BSN: variants seen among roughly 807,000 people sequenced by gnomAD.
The protein encoded by BSN is bassoon presynaptic cytomatrix protein.
Under a neutral mutation model 264.8 loss-of-function variants are expected in BSN, and 57 were observed. That is an observed-to-expected ratio of 0.22 (90% CI 0.17 to 0.27). The LOEUF is 0.27. BSN is among the 10% of genes least tolerant of loss of function. The pLI is 1.00. For missense variants in BSN, 4,615 were observed against 5,232.5 expected (o/e 0.88, Z 3.64); for synonymous variants, 2,059 against 2,137.3 (o/e 0.96, Z 1.01).
Position 49,642,714 on chromosome 3 carries a change from G to A in BSN, c.1080G>A (p.Gln360=), listed in dbSNP as rs2052473514. Residue 360 remains glutamine (Q), a synonymous_variant, in exon 3 of 12, where the codon CAG becomes CAA. Transcript: ENST00000296452. The surrounding 1 kb of genome is among the most constrained non-coding windows in gnomAD (Gnocchi z 7.0). ...GCCTTGGCGCGTCACTGCTAACCCAGGCGAGCACCCTCATGTCTGTGCAGC... is the reference window on the plus strand; with the variant it reads ...GCCTTGGCGCGTCACTGCTAACCCAAGCGAGCACCCTCATGTCTGTGCAGC... The part of the protein sequence containing the change: ...LFGLGASLLT[Q]ASTLMSVQPE... 6.2e-7 allele frequency: 1 copy of A among 1,613,534 alleles called. No homozygotes were observed. Among genetic ancestry groups the A allele is most frequent in the South Asian group, 1.1e-5 (1 of 91,078 alleles).
At chr3:49,632,922 A>C (rs1437611163) in intron 2 of BSN, among the ~76,000 whole-genome samples, 2 of 152,192 alleles carry the variant, frequency 1.3e-5, no homozygotes, top group African/African-American at 4.8e-5. Flanking sequence ...GCAAATAGCT[A>C]GAACCTGTCT....
At chr3:49,591,235 T>G (rs1490658896) in intron 1 of BSN, among the ~76,000 whole-genome samples, 2 of 152,230 alleles carry the variant, frequency 1.3e-5, no homozygotes, top group Non-Finnish European at 1.5e-5. Flanking sequence ...CTTACCTCCT[T>G]TGTGCTCTTT....
Position 49,653,557 on chromosome 3 carries a change from GC to G in BSN, c.4003del (p.Arg1335GlufsTer36). 6.2e-7 allele frequency: 1 copy of G among 1,613,862 alleles called. No homozygotes were observed. Among genetic ancestry groups the G allele is most frequent in the Non-Finnish European group, 8.5e-7 (1 of 1,179,982 alleles). Reference protein sequence around the residue: ...STPTSSDSSGGRVIPDVRVTQ... With the variant: ...STPTSSDSSGXRVIPDVRVTQ... ...CCCACCTCCTCAGACAGCAGCGGGG[GC>G]CGAGTTATTCCCGATGTCCGTGTCA... On this transcript the variant is annotated frameshift_variant, in exon 5 of 12. Transcript: ENST00000296452. LOFTEE classifies it high-confidence loss of function. The surrounding 1 kb of genome is among the most constrained non-coding windows in gnomAD (Gnocchi z 6.3).
chr3:49,566,629 CA>C (rs1235662674), intron 1 of BSN, among the ~76,000 whole-genome samples: 1 of 151,610 alleles, frequency 6.6e-6, no homozygotes, highest in Non-Finnish European at 1.5e-5. Flanking sequence ...TACAAAAATA[CA>C]AAAAAATTAG....
intron 1 of BSN, among the ~76,000 whole-genome samples, chr3:49,606,989 G>A (rs768306664): frequency 2.0e-5 from 3 of 152,036 alleles, no homozygotes; most frequent in Admixed American, 6.6e-5. Context: ...GGTGGTGGGC[G>A]CCTCAGTTTG....
At chr3:49,603,289 G>T (rs1470571080) in intron 1 of BSN, among the ~76,000 whole-genome samples, 1 of 152,208 alleles carries the variant, frequency 6.6e-6, no homozygotes, top group Non-Finnish European at 1.5e-5. Context: ...TCTTGTTGGT[G>T]GTTGCTACCT....
chr3:49,651,264 T>C lies in BSN; in HGVS notation c.1986+185T>C. On this transcript the variant is annotated intron_variant, in intron 4 of 11. Transcript: ENST00000296452. The surrounding 1 kb of genome is among the most constrained non-coding windows in gnomAD (Gnocchi z 5.4). ...TGGCACGCTTGGAGACTGTGGGTTT[T>C]ACACTGGTGCTGTGTCTGGCACCTT... 1.5e-6 allele frequency: 1 copy of C among 663,388 alleles called. No individual in the cohort carries two copies. The highest frequency in any genetic ancestry group is 3.2e-5 in the Admixed American group (1 of 31,424). 41.1% of individuals were successfully genotyped at this position (663,388 alleles called of 1,614,324 possible).
rs781040191 is a variant in BSN, at chr3:49,652,135, A to T, written c.2579A>T (p.Asp860Val). Residue 860 changes from aspartate to valine, a missense_variant, in exon 5 of 12, where the codon GAT becomes GTT. Coordinates refer to ENST00000296452, the MANE Select transcript of BSN (RefSeq NM_003458.4). ...MSAEEDNLEE[D>V]DTATSGRGLA... ...GCCGAGGAAGACAACCTGGAGGAGG[A>T]TGACACTGCCACCTCCGGGCGTGGC... 7 of 1,613,968 alleles carry T rather than the reference A, an allele frequency of 4.3e-6. No homozygotes were observed. The South Asian group carries it at 7.7e-5, about 18-fold the overall frequency.
At chr3:49,641,188 G>A (rs1010252008) in intron 2 of BSN, among the ~76,000 whole-genome samples, 3 of 152,162 alleles carry the variant, frequency 2.0e-5, no homozygotes, top group Non-Finnish European at 4.4e-5. Context: ...GAAGTCCAAG[G>A]GTAGACTTGG....
chr3:49,606,435 A>C (rs1463392294), intron 1 of BSN, among the ~76,000 whole-genome samples: 1 of 146,554 alleles, frequency 6.8e-6, no homozygotes, highest in African/African-American at 2.5e-5. Flanking sequence ...TCTTCTAAGC[A>C]CCTATCATAC....
intron 1 of BSN, among the ~76,000 whole-genome samples, chr3:49,599,868 TG>T (rs2052058223): frequency 6.6e-6 from 1 of 152,068 alleles, no homozygotes; most frequent in Non-Finnish European, 1.5e-5. Flanking sequence ...TTTTCCTGGG[TG>T]GGTAACATGG....
intron 1 of BSN, among the ~76,000 whole-genome samples, chr3:49,574,099 G>T (rs1050786881): frequency 6.6e-6 from 1 of 151,006 alleles, no homozygotes; most frequent in Non-Finnish European, 1.5e-5. Flanking sequence ...AGAGGTGTGC[G>T]TCGCCACATC....
Position 49,661,940 on chromosome 3 carries a change from G to A in BSN, c.10095G>A (p.Met3365Ile). 6.2e-7 allele frequency: 1 copy of A among 1,614,004 alleles called. No homozygotes were observed. The highest frequency in any genetic ancestry group is 8.5e-7 in the Non-Finnish European group (1 of 1,180,050). The stretch of plus-strand genomic sequence containing the variant: ...GCAGCAAGCACCGGAAGCAGGGCAT[G>A]GAGCAAAAGATATCCAAGTTCTCGC... ...SKRSKHRKQG[M>I]EQKISKFSPI... The change falls in exon 6 of 12, where the codon ATG becomes ATA. Residue 3365 changes from methionine to isoleucine, a missense_variant. Met to Ile is a conservative substitution (Grantham distance 10). Transcript: ENST00000296452.
intron 2 of BSN, chr3:49,641,906 C>G (rs2052467263): frequency 4.5e-6 from 1 of 219,812 alleles, no homozygotes; most frequent in Admixed American, 5.9e-5. Context: ...AAGTGGGAAG[C>G]AGGGGAAGGC....
chr3:49,577,110 TG>T (rs149770361), intron 1 of BSN, among the ~76,000 whole-genome samples: 3,024 of 152,358 alleles, frequency 0.02, 52 homozygotes, highest in Middle Eastern at 0.058. Flanking sequence ...ATTGAGCACC[TG>T]TTACATGCCA....
chr3:49,598,504 G>C (rs1307291853), intron 1 of BSN, among the ~76,000 whole-genome samples: 1 of 152,168 alleles, frequency 6.6e-6, no homozygotes, highest in Non-Finnish European at 1.5e-5. Flanking sequence ...TGACCAGTCA[G>C]ATTTTTGCCC....
chr3:49,563,394 C>T (rs1343013685), intron 1 of BSN, among the ~76,000 whole-genome samples: 1 of 152,212 alleles, frequency 6.6e-6, no homozygotes, highest in Non-Finnish European at 1.5e-5. Context: ...GTTGTTCCAC[C>T]TACTTCCTAC....
chr3:49,663,633 C>T lies in BSN; in HGVS notation c.11475C>T (p.Pro3825=). The T allele has an allele frequency of 6.2e-7, 1 of 1,608,512 alleles. No individual in the cohort carries two copies. Among genetic ancestry groups the T allele is most frequent in the Admixed American group, 1.7e-5 (1 of 59,610 alleles). Residue 3825 remains proline, a synonymous_variant, in exon 7 of 12, where the codon CCC becomes CCT. Transcript: ENST00000296452. The part of the protein sequence containing the change: ...SQPAGKPQPG[P]STATGPQPAG... ...CTGCAGGGAAGCCTCAGCCAGGCCC[C>T]AGCACAGCCACAGGTCCTCAACCAG...
chr3:49,662,091 G>A lies in BSN; in HGVS notation c.10246G>A (p.Val3416Met), dbSNP rs760613407. 5.0e-6 allele frequency: 8 copies of A among 1,613,422 alleles called. No individual in the cohort carries two copies. The highest frequency in any genetic ancestry group is 4.5e-5 in the East Asian group (2 of 44,904). The stretch of plus-strand genomic sequence containing the variant: ...AATCACCTATGGGCTCAAGAAGAAC[G>A]TGTATGAGCAGCAAAAATACTATGG... Reference protein sequence around the residue: ...DEITYGLKKNVYEQQKYYGMS... With the variant: ...DEITYGLKKNMYEQQKYYGMS... Residue 3416 changes from valine to methionine, a missense_variant, in exon 6 of 12, where the codon GTG becomes ATG. Around this residue, in one of 3 missense-constraint regions of BSN, gnomAD observed 3,415 missense variants for 3,866.4 expected, o/e 0.88. Transcript: ENST00000296452.
Sources: gnomAD v4.1 joint callset for allele counts (sites outside exome capture counted in the v4.1 genomes callset) on GRCh38, gnomAD v4.1.1 for gene constraint, gnomAD v4.1.1 regional missense constraint, Gnocchi (gnomAD v3.1) non-coding constraint, MANE v1.5 for transcripts, NCBI Gene and HGNC (gene_info 2026-07-23, HGNC 2026-07-21) for gene names.